RSRC1: variants seen among roughly 807,000 people sequenced by gnomAD.
RSRC1 encodes arginine and serine rich coiled-coil 1, also known as serine/Arginine-related protein 53.
A neutral mutation model predicts 49.1 loss-of-function variants in RSRC1; 39 were observed. The ratio of observed to expected loss-of-function variants is 0.79; its 90% CI spans 0.61 to 1.04. The LOEUF (loss-of-function observed/expected upper bound fraction) is 1.04. Among genes scored for constraint, RSRC1 ranks in the 50% least tolerant of loss-of-function variants. The pLI is 0.00. For synonymous variants in RSRC1, 143 were observed against 130.8 expected, an observed-to-expected ratio of 1.09 and a Z score of -0.63; for missense variants, 388 against 402.4, an observed-to-expected ratio of 0.96 and a Z score of 0.31.
intron 1 of RSRC1, among the ~76,000 whole-genome samples, chr3:158,114,071 G>A (rs6773505): frequency 0.65 from 98,637 of 152,040 alleles, 32,228 homozygotes; most frequent in East Asian, 0.82. Flanking sequence ...ATCTTTGCCC[G>A]TGCCTTTGTC....
chr3:158,401,745 A>T (rs779299685), intron 6 of RSRC1, among the ~76,000 whole-genome samples: 8 of 152,062 alleles, frequency 5.3e-5, no homozygotes, highest in Non-Finnish European at 8.8e-5. Flanking sequence ...ATAAATAGAG[A>T]TACAGAGATT....
intron 5 of RSRC1, among the ~76,000 whole-genome samples, chr3:158,321,087 C>A (rs1728727788): frequency 6.6e-6 from 1 of 151,862 alleles, no homozygotes; most frequent in South Asian, 2.1e-4. Flanking sequence ...TGCATGATAC[C>A]CATATTAAAA....
At chr3:158,311,541 T>A (rs114650726) in intron 5 of RSRC1, among the ~76,000 whole-genome samples, 2,891 of 152,044 alleles carry the variant, frequency 0.019, 93 homozygotes, top group African/African-American at 0.066. Flanking sequence ...GGGTGTTTTT[T>A]AAAAAATACA....
intron 4 of RSRC1, among the ~76,000 whole-genome samples, chr3:158,283,269 A>G (rs575313110): frequency 2.6e-5 from 4 of 152,158 alleles, no homozygotes; most frequent in African/African-American, 9.6e-5. Flanking sequence ...TATACTACTC[A>G]ATAAAGCTGC....
intron 6 of RSRC1, among the ~76,000 whole-genome samples, chr3:158,384,540 G>A (rs1287657393): frequency 6.6e-6 from 1 of 151,960 alleles, no homozygotes; most frequent in Non-Finnish European, 1.5e-5. Context: ...TAAAGGTTTG[G>A]GCAGGTTTAA....
chr3:158,455,602 C>T (rs1467429290), intron 6 of RSRC1, among the ~76,000 whole-genome samples: 1 of 152,106 alleles, frequency 6.6e-6, no homozygotes, highest in Non-Finnish European at 1.5e-5. Context: ...CCCCTTGTCA[C>T]CTCTGCAGCT....
chr3:158,286,744 G>A (rs17683721), intron 4 of RSRC1, among the ~76,000 whole-genome samples: 20,976 of 152,204 alleles, frequency 0.14, 1,580 homozygotes, highest in Middle Eastern at 0.21. Context: ...GAACAACAAC[G>A]GAAGGAAGAG....
intron 5 of RSRC1, among the ~76,000 whole-genome samples, chr3:158,302,041 G>A (rs1448134405): frequency 5.9e-5 from 8 of 134,784 alleles, no homozygotes; most frequent in African/African-American, 2.3e-4. Flanking sequence ...TGTGGTGTGT[G>A]TATTCTTTTG....
chr3:158,245,238 T>C (rs1476297885), intron 4 of RSRC1, among the ~76,000 whole-genome samples: 4 of 152,066 alleles, frequency 2.6e-5, no homozygotes, highest in African/African-American at 9.7e-5. Flanking sequence ...GTCTCATTAG[T>C]TTCAAAGACA....
At chr3:158,223,996 C>T (rs1722373691) in intron 4 of RSRC1, among the ~76,000 whole-genome samples, 1 of 151,688 alleles carries the variant, frequency 6.6e-6, no homozygotes, top group Admixed American at 6.6e-5. Context: ...CTGTTTCTGT[C>T]CTTCAGAGTA....
chr3:158,476,375 G>A (rs1258924953), intron 7 of RSRC1, among the ~76,000 whole-genome samples: 1 of 152,178 alleles, frequency 6.6e-6, no homozygotes, highest in Non-Finnish European at 1.5e-5. Context: ...TCTATAGGAA[G>A]AAAATGCCAT....
intron 6 of RSRC1, among the ~76,000 whole-genome samples, chr3:158,384,805 C>T (rs566539396): frequency 6.6e-6 from 1 of 152,174 alleles, no homozygotes; most frequent in East Asian, 1.9e-4. Context: ...TAGCCAAACT[C>T]GAACACTAAA....
chr3:158,123,051 G>A (rs1404812873), intron 2 of RSRC1, among the ~76,000 whole-genome samples: 1 of 152,138 alleles, frequency 6.6e-6, no homozygotes, highest in African/African-American at 2.4e-5. Flanking sequence ...TGCTCTTGTT[G>A]TCCAGGCTGG....
intron 3 of RSRC1, among the ~76,000 whole-genome samples, chr3:158,159,943 G>A (rs558051969): frequency 6.6e-6 from 1 of 152,262 alleles, no homozygotes; most frequent in South Asian, 2.1e-4. Context: ...GTGTGTGTGA[G>A]TGTTTGATCG....
At chr3:158,161,403 C>G (rs1455781129) in intron 3 of RSRC1, among the ~76,000 whole-genome samples, 1 of 152,188 alleles carries the variant, frequency 6.6e-6, no homozygotes, top group Non-Finnish European at 1.5e-5. Flanking sequence ...CTTCTGCCAA[C>G]ATTTCATTGG....
chr3:158,114,631 A>G (rs767633289), intron 1 of RSRC1, among the ~76,000 whole-genome samples: 11 of 152,090 alleles, frequency 7.2e-5, no homozygotes, highest in Non-Finnish European at 1.3e-4. Flanking sequence ...CCTATCTGTG[A>G]GCATGGAACG....
chr3:158,310,477 T>C lies in RSRC1; in HGVS notation c.531+12402T>C, dbSNP rs547685736. On this transcript the variant is annotated intron_variant, in intron 5 of 9. Coordinates refer to ENST00000611884, the MANE Select transcript of RSRC1 (RefSeq NM_001271838.2). ...GTTTATTCAAAAATTAATTATGTTA[T>C]TTGGTTTTTCGCAGGAACGAATACA... Among the ~76,000 whole-genome samples the C allele has an allele frequency of 2.0e-4, 31 of 151,938 alleles. 1 individual carries two copies. The highest frequency in any genetic ancestry group is 6.7e-4 in the African/African-American group (28 of 41,554).
At chr3:158,221,533 C>T (rs1274359538) in intron 4 of RSRC1, among the ~76,000 whole-genome samples, 1 of 151,310 alleles carries the variant, frequency 6.6e-6, no homozygotes, top group Non-Finnish European at 1.5e-5. Context: ...TTGTTGAAAC[C>T]AATATTCTAG....
chr3:158,376,256 A>G (rs1732367823), intron 6 of RSRC1, among the ~76,000 whole-genome samples: 1 of 146,356 alleles, frequency 6.8e-6, no homozygotes, highest in Non-Finnish European at 1.5e-5. Flanking sequence ...CAGTGGTGCA[A>G]TATTGGCTCA....
Sources: gnomAD v4.1 joint callset for allele counts (sites outside exome capture counted in the v4.1 genomes callset) on GRCh38, gnomAD v4.1.1 for gene constraint, MANE v1.5 for transcripts, NCBI Gene and HGNC (gene_info 2026-07-23, HGNC 2026-07-21) for gene names.